COL14A1: variants seen among roughly 807,000 people sequenced by gnomAD.
The protein encoded by COL14A1 is collagen alpha-1(XIV) chain.
COL14A1 carries 136 observed loss-of-function variants against 230.3 expected under a neutral mutation model. The ratio of observed to expected loss-of-function variants is 0.59; its 90% CI spans 0.51 to 0.68. COL14A1 has a LOEUF of 0.68. COL14A1 is among the 30% of genes least tolerant of loss of function. The pLI is 0.00. For synonymous variants in COL14A1, 792 were observed against 784.1 expected (o/e 1.01, Z -0.17); for missense variants, 1,976 against 2,215.8 (o/e 0.89, Z 2.17).
chr8:120,129,120 A>C (rs1814443607), intron 1 of COL14A1, among the ~76,000 whole-genome samples: 1 of 152,222 alleles, frequency 6.6e-6, no homozygotes, highest in South Asian at 2.1e-4. Flanking sequence ...CACTGTGCTA[A>C]GCATTCAAAA....
rs1307083009 is a variant in COL14A1, at chr8:120,313,808, G to A, written c.4456-124G>A. Reference sequence around the variant, plus strand: ...GAGGCTTGATGTCTTGCTATCCTGAGTATTTCCTATCTTAAGAAAAACTAT... The same window carrying A: ...GAGGCTTGATGTCTTGCTATCCTGAATATTTCCTATCTTAAGAAAAACTAT... On this transcript the variant is annotated intron_variant, in intron 37 of 47. Transcript: ENST00000297848. 4 of 614,564 alleles carry A rather than the reference G, an allele frequency of 6.5e-6. No individual in the cohort carries two copies. In the East Asian group the frequency reaches 1.1e-4, roughly 17 times the overall value. 38.1% of individuals were successfully genotyped at this position (614,564 alleles called of 1,614,324 possible). A position where few individuals can be genotyped will look rare whatever the true frequency, so the allele number is the denominator to read the frequency against.
chr8:120,241,917 T>C (rs1463439982), intron 19 of COL14A1, among the ~76,000 whole-genome samples: 1 of 152,204 alleles, frequency 6.6e-6, no homozygotes, highest in Non-Finnish European at 1.5e-5. Flanking sequence ...TGAGAATTCC[T>C]AATCATAAAA....
At chr8:120,341,395 C>T (rs779289894) in intron 43 of COL14A1, 35 bp downstream of exon 43, 2 of 1,610,758 alleles carry the variant, frequency 1.2e-6, no homozygotes, top group Non-Finnish European at 1.7e-6. Context: ...CTGGCCCCAG[C>T]TTGTTGCACC....
intron 4 of COL14A1, among the ~76,000 whole-genome samples, chr8:120,165,864 A>G (rs1179838825): frequency 6.6e-6 from 1 of 152,204 alleles, no homozygotes; most frequent in Non-Finnish European, 1.5e-5. Flanking sequence ...GTCAGGGAGC[A>G]CATGAAGTGG....
intron 36 of COL14A1, among the ~76,000 whole-genome samples, chr8:120,308,907 T>C (rs1417680670): frequency 6.6e-6 from 1 of 152,316 alleles, no homozygotes; most frequent in Admixed American, 6.5e-5. Flanking sequence ...AGCGAACTCT[T>C]GGCTCACAGA....
chr8:120,232,925 C>T (rs527292400), intron 19 of COL14A1, among the ~76,000 whole-genome samples: 1 of 152,210 alleles, frequency 6.6e-6, no homozygotes, highest in South Asian at 2.1e-4. Flanking sequence ...TCTCTAGCAT[C>T]TGTTGTTTCC....
chr8:120,221,783 G>C (rs2130792560), intron 14 of COL14A1, among the ~76,000 whole-genome samples: 1 of 152,266 alleles, frequency 6.6e-6, no homozygotes, highest in Non-Finnish European at 1.5e-5. Flanking sequence ...AGCTGTTTGG[G>C]CCTCAGGTTT....
At chr8:120,250,493 G>T in intron 21 of COL14A1, 124 bp from the exon 22 acceptor site, 1 of 1,014,166 alleles carries the variant, frequency 9.9e-7, no homozygotes, top group East Asian at 2.5e-5. Context: ...CCTCAACCCT[G>T]CTGTCTGCTT....
chr8:120,369,223 T>TCG, intron 46 of COL14A1, 107 bp from the exon 47 acceptor site: 1 of 1,164,900 alleles, frequency 8.6e-7, no homozygotes, highest in South Asian at 2.0e-5. Flanking sequence ...TTGTCCTAAT[T>TCG]GTCCTAAAAG....
intron 22 of COL14A1, among the ~76,000 whole-genome samples, chr8:120,253,336 C>G (rs929368251): frequency 6.6e-6 from 1 of 152,056 alleles, no homozygotes; most frequent in African/African-American, 2.4e-5. Flanking sequence ...TCTCTCTTCT[C>G]CCTAGTCTTT....
Position 120,231,553 on chromosome 8 carries a change from G to A in COL14A1, c.2284G>A (p.Val762Met). The A allele has an allele frequency of 6.2e-7, 1 of 1,614,070 alleles. No individual in the cohort carries two copies. The highest frequency in any genetic ancestry group is 8.5e-7 in the Non-Finnish European group (1 of 1,179,996). ...AAAATGGGACATTTCTGACAGCGAT[G>A]TGCAGCAGTTTAGGGTGACCTACAT... ...RVKWDISDSD[V>M]QQFRVTYMTA... The change falls in exon 19 of 48, where the codon GTG becomes ATG. Residue 762 changes from valine (V) to methionine (M), a missense_variant. Val to Met is a conservative substitution (Grantham distance 21). Transcript: ENST00000297848.
At position 120,196,919 on chromosome 8, in the gene COL14A1, G is replaced by A. The variant is rs763832906; in HGVS notation, c.565G>A (p.Asp189Asn). The A allele has an allele frequency of 2.0e-5, 32 of 1,613,850 alleles. No homozygotes were observed. In the Admixed American group the frequency reaches 2.8e-4, roughly 14 times the overall value. ...HFLENLVTAFDVGSEKTRIGL... is the reference protein window; with the variant it reads ...HFLENLVTAFNVGSEKTRIGL... ...CTTGGAAAACCTGGTTACAGCATTC[G>A]ATGTGGGCTCAGAGAAGACACGAAT... Residue 189 changes from aspartate (D) to asparagine (N), a missense_variant, in exon 6 of 48, where the codon GAT becomes AAT. This residue lies in a region of COL14A1 where 1,791 missense variants were observed against 2,019.5 expected (regional missense o/e 0.89). Coordinates refer to ENST00000297848, the MANE Select transcript of COL14A1 (RefSeq NM_021110.4).
At position 120,158,122 on chromosome 8, in the gene COL14A1, C is replaced by A; in HGVS notation, c.89-8C>A. On this transcript the variant is annotated splice_region_variant and splice_polypyrimidine_tract_variant and intron_variant, in intron 2 of 47. Coordinates refer to ENST00000297848, the MANE Select transcript of COL14A1 (RefSeq NM_021110.4). The stretch of plus-strand genomic sequence containing the variant: ...AATGTTTACATCATTTTTGTTCTTC[C>A]TTTTCAGTGGCTCCACCCACAAGGT... The A allele has an allele frequency of 6.9e-7, 1 of 1,449,532 alleles. No individual in the cohort carries two copies. The highest frequency in any genetic ancestry group is 2.0e-5 in the Admixed American group (1 of 50,052). The allele number at this position is 1,449,532 out of a possible 1,614,324, so 89.8% of individuals were successfully genotyped here. A position where few individuals can be genotyped will look rare whatever the true frequency, so the allele number is the denominator to read the frequency against.
intron 46 of COL14A1, among the ~76,000 whole-genome samples, chr8:120,367,892 C>T (rs529752312): frequency 1.3e-5 from 2 of 151,618 alleles, no homozygotes; most frequent in African/African-American, 2.4e-5. Context: ...TACAGTGAAC[C>T]GTGATGGTGC....
At chr8:120,342,317 G>A in intron 43 of COL14A1, 63 bp from the exon 44 acceptor site, 4 of 1,513,596 alleles carry the variant, frequency 2.6e-6, no homozygotes, top group Non-Finnish European at 3.7e-6. Context: ...CCACATCCTG[G>A]AAGTCCTGGT....
At chr8:120,263,512 A>G (rs1819405496) in intron 24 of COL14A1, among the ~76,000 whole-genome samples, 1 of 152,222 alleles carries the variant, frequency 6.6e-6, no homozygotes, top group African/African-American at 2.4e-5. Flanking sequence ...GGGAAAGGCA[A>G]AGTATAAAAT....
At chr8:120,219,789 GT>G (rs1042368140) in intron 14 of COL14A1, among the ~76,000 whole-genome samples, 45 of 152,164 alleles carry the variant, frequency 3.0e-4, no homozygotes, top group African/African-American at 1.1e-3. Context: ...ATGTTTGGGG[GT>G]TTTTTTGGTA....
chr8:120,299,749 T>C (rs1309852564), intron 35 of COL14A1, among the ~76,000 whole-genome samples: 1 of 152,136 alleles, frequency 6.6e-6, no homozygotes, highest in Non-Finnish European at 1.5e-5. Flanking sequence ...GTCCAACATT[T>C]AGAGAAAAGT....
At chr8:120,189,810 G>A (rs928094580) in intron 5 of COL14A1, among the ~76,000 whole-genome samples, 52 of 152,162 alleles carry the variant, frequency 3.4e-4, no homozygotes, top group African/African-American at 1.2e-3. Context: ...CAAAGGACAT[G>A]AACTCATCAT....
Sources: allele counts gnomAD v4.1 joint callset (sites outside exome capture counted in the v4.1 genomes callset), GRCh38; gene constraint gnomAD v4.1.1; regional missense constraint gnomAD v4.1.1; transcripts MANE v1.5; gene names NCBI Gene and HGNC (gene_info 2026-07-23, HGNC 2026-07-21).